The following CGNL1 variants were observed in gnomAD, a reference collection of about 807,000 sequenced individuals.
The protein encoded by CGNL1 is cingulin like 1, also known as cingulin-like protein 1.
In CGNL1, 132 loss-of-function variants were observed where a neutral mutation model predicts 141.2. The observed-to-expected ratio is 0.93, with a 90% CI of 0.81 to 1.08. CGNL1 has a LOEUF of 1.08. Among genes scored for constraint, CGNL1 ranks in the 50% least tolerant of loss-of-function variants. The pLI, the probability that CGNL1 is intolerant of heterozygous loss-of-function variation, is 0.00. For missense variants in CGNL1, 1,870 were observed against 1,588.6 expected (o/e 1.18, Z -3.01); for synonymous variants, 690 against 622.1 (o/e 1.11, Z -1.63).
chr15:57,396,173 T>G (rs138809058), intron 1 of CGNL1, among the ~76,000 whole-genome samples: 1 of 152,216 alleles, frequency 6.6e-6, no homozygotes, highest in Non-Finnish European at 1.5e-5. Context: ...TTGTATAGTT[T>G]AATGTACAAA....
intron 1 of CGNL1, among the ~76,000 whole-genome samples, chr15:57,412,235 C>G (rs769704741): frequency 6.6e-6 from 1 of 152,232 alleles, no homozygotes; most frequent in Non-Finnish European, 1.5e-5. Context: ...GTGGCCCGAA[C>G]CACCCTCATC....
intron 1 of CGNL1, among the ~76,000 whole-genome samples, chr15:57,432,846 T>A (rs1410378097): frequency 1.2e-4 from 19 of 152,262 alleles, no homozygotes; most frequent in African/African-American, 4.1e-4. Flanking sequence ...GGATGTTTCA[T>A]GAAATTTAAA....
intron 8 of CGNL1, among the ~76,000 whole-genome samples, chr15:57,479,679 A>C (rs2063701416): frequency 6.6e-6 from 1 of 152,206 alleles, no homozygotes; most frequent in South Asian, 2.1e-4. Context: ...ACAAAAAACA[A>C]AACAAAATGA....
At chr15:57,448,398 C>T (rs1303939171) in intron 4 of CGNL1, among the ~76,000 whole-genome samples, 3 of 151,718 alleles carry the variant, frequency 2.0e-5, no homozygotes, top group Admixed American at 6.6e-5. Flanking sequence ...CCTGTAATCC[C>T]AGAACTTTGG....
chr15:57,483,352 T>C (rs1193759460), intron 8 of CGNL1, among the ~76,000 whole-genome samples: 2 of 152,254 alleles, frequency 1.3e-5, no homozygotes, highest in Non-Finnish European at 2.9e-5. Context: ...CATTTTAGTA[T>C]CCTTCTGTTC....
chr15:57,389,169 A>G (rs750110253), intron 1 of CGNL1, among the ~76,000 whole-genome samples: 1 of 152,168 alleles, frequency 6.6e-6, no homozygotes. Flanking sequence ...AGCAAAGTTA[A>G]AAATCATGTG....
intron 8 of CGNL1, among the ~76,000 whole-genome samples, chr15:57,473,179 A>G: frequency 6.6e-6 from 1 of 152,230 alleles, no homozygotes; most frequent in East Asian, 1.9e-4. Context: ...TATTGCAAAC[A>G]GTTGAATCCT....
Position 57,523,536 on chromosome 15 carries a change from G to A in CGNL1, c.2763G>A (p.Lys921=), listed in dbSNP as rs1255663545. The stretch of plus-strand genomic sequence containing the variant: ...AGGAGCAGAAGCAGTTGTCTGAGAA[G>A]CTCAAAGAGGAGAGTGAGCAGAAGG... ...TTQEQKQLSE[K]LKEESEQKEQ... is the part of the protein sequence containing the mutation. Residue 921 remains lysine, a synonymous_variant, in exon 11 of 19, where the codon AAG becomes AAA. Transcript: ENST00000281282. 2 of 1,614,212 alleles carry A rather than the reference G, an allele frequency of 1.2e-6. No homozygotes were observed. The highest frequency in any genetic ancestry group is 2.2e-5 in the East Asian group (1 of 44,882).
At chr15:57,541,537 G>A (rs554812041) in intron 14 of CGNL1, among the ~76,000 whole-genome samples, 9 of 152,190 alleles carry the variant, frequency 5.9e-5, no homozygotes, top group Admixed American at 1.3e-4. Flanking sequence ...GAGTGGGAGC[G>A]GGCCTGAGTT....
chr15:57,525,207 C>A (rs910062831), intron 12 of CGNL1, among the ~76,000 whole-genome samples: 4 of 151,982 alleles, frequency 2.6e-5, no homozygotes, highest in African/African-American at 9.7e-5. Context: ...ACAATAATGG[C>A]GAGTAAAAGA....
intron 8 of CGNL1, among the ~76,000 whole-genome samples, chr15:57,467,540 C>G (rs551047467): frequency 1.3e-5 from 2 of 152,048 alleles, no homozygotes; most frequent in African/African-American, 2.4e-5. Flanking sequence ...GGACCGTGCT[C>G]GGATCCCAAC....
At chr15:57,470,412 T>C (rs779676268) in intron 8 of CGNL1, among the ~76,000 whole-genome samples, 2 of 152,134 alleles carry the variant, frequency 1.3e-5, no homozygotes, top group Non-Finnish European at 2.9e-5. Context: ...TGCCCCATTC[T>C]GTGGCTGTGA....
chr15:57,399,036 A>G (rs950191730), intron 1 of CGNL1, among the ~76,000 whole-genome samples: 3 of 152,242 alleles, frequency 2.0e-5, no homozygotes, highest in African/African-American at 7.2e-5. Flanking sequence ...ATACATGTAT[A>G]CAATGTGTGA....
chr15:57,390,484 C>A (rs2062530574), intron 1 of CGNL1, among the ~76,000 whole-genome samples: 1 of 152,182 alleles, frequency 6.6e-6, no homozygotes, highest in South Asian at 2.1e-4. Context: ...CTGGCCAGTT[C>A]TAGTAGGAGG....
At chr15:57,412,920 C>T (rs139889075) in intron 1 of CGNL1, among the ~76,000 whole-genome samples, 1,967 of 152,164 alleles carry the variant, frequency 0.013, 16 homozygotes, top group Non-Finnish European at 0.021. Context: ...AGTACAGTGG[C>T]GCGATCTCGG....
At chr15:57,459,590 G>A (rs1186076557) in intron 7 of CGNL1, among the ~76,000 whole-genome samples, 1 of 152,206 alleles carries the variant, frequency 6.6e-6, no homozygotes, top group African/African-American at 2.4e-5. Flanking sequence ...GATTGCCATA[G>A]AGGCTGTAGG....
rs2033049572 is a variant in CGNL1 at position 57,550,150 on chromosome 15, C to CTA, written c.*2662_*2663dup. The CTA allele has an allele frequency of 6.6e-6, 1 of 152,236 alleles. No homozygotes were observed. Among genetic ancestry groups the CTA allele is most frequent in the Non-Finnish European group, 1.5e-5 (1 of 68,038 alleles). The allele number at this position is 152,236 out of a possible 1,614,324, so 9.4% of individuals were successfully genotyped here. A position where few individuals can be genotyped will look rare whatever the true frequency, so the allele number is the denominator to read the frequency against. ...GCTGTTATGCGTTTTGACAATTGCG[C>CTA]TATCCTACACTCTGAGGGAGTTGGC... On this transcript the variant is annotated 3_prime_UTR_variant, in exon 19 of 19. Transcript: ENST00000281282.
intron 8 of CGNL1, among the ~76,000 whole-genome samples, chr15:57,487,326 T>C (rs187676246): frequency 1.2e-4 from 19 of 152,126 alleles, no homozygotes; most frequent in African/African-American, 4.3e-4. Context: ...AAGCTTATTT[T>C]GACTTCAGCC....
In CGNL1 at chr15:57,548,506, G is replaced by C. The variant is rs2032980732; in HGVS notation, c.*1016G>C. On this transcript the variant is annotated 3_prime_UTR_variant, in exon 19 of 19. Transcript: ENST00000281282. ...TCTGGGTAAACAAGTCACTGGCACA[G>C]GGGAAAGCCAGAAGGTTGCTTGTGT... is the stretch of plus-strand genomic sequence containing the variant. 1 of 152,368 alleles carries C rather than the reference G, an allele frequency of 6.6e-6. No homozygotes were observed. Among genetic ancestry groups the C allele is most frequent in the African/African-American group, 2.4e-5 (1 of 41,574 alleles). 9.4% of individuals were successfully genotyped at this position (152,368 alleles called of 1,614,324 possible).
Sources: gnomAD v4.1 joint callset for allele counts (sites outside exome capture counted in the v4.1 genomes callset) on GRCh38, gnomAD v4.1.1 for gene constraint, MANE v1.5 for transcripts, NCBI Gene and HGNC (gene_info 2026-07-23, HGNC 2026-07-21) for gene names.